The following KCNH1 variants were observed in gnomAD, a reference collection of about 807,000 sequenced individuals.
KCNH1 encodes voltage-gated delayed rectifier potassium channel KCNH1.
In KCNH1, 27 loss-of-function variants were observed where a neutral mutation model predicts 69.2. The ratio of observed to expected loss-of-function variants is 0.39; its 90% CI spans 0.29 to 0.54. KCNH1 has a LOEUF of 0.54. Ranked by LOEUF, KCNH1 falls within the 20% of genes least tolerant of loss-of-function variation. KCNH1 has a pLI of 0.68. For synonymous variants in KCNH1, 456 were observed against 487.7 expected (o/e 0.93, Z 0.86); for missense variants, 798 against 1,261.6 (o/e 0.63, Z 5.57).
chr1:210,815,800 T>G (rs545047793), intron 7 of KCNH1, among the ~76,000 whole-genome samples: 7 of 152,182 alleles, frequency 4.6e-5, no homozygotes, highest in Non-Finnish European at 1.0e-4. Context: ...TGGGGCGCTT[T>G]TGGCCTAGTC....
At chr1:210,904,807 G>A (rs1353059316) in intron 7 of KCNH1, among the ~76,000 whole-genome samples, 2 of 152,154 alleles carry the variant, frequency 1.3e-5, no homozygotes, top group African/African-American at 2.4e-5. Flanking sequence ...TTATATCTAA[G>A]CCTGTCAATC....
chr1:210,954,065 C>T (rs1161452170), intron 6 of KCNH1, among the ~76,000 whole-genome samples: 1 of 151,846 alleles, frequency 6.6e-6, no homozygotes. Flanking sequence ...AGCCCCCCAT[C>T]CCAAGACAGG....
At chr1:210,969,651 A>C (rs1045691405) in intron 6 of KCNH1, among the ~76,000 whole-genome samples, 1 of 152,126 alleles carries the variant, frequency 6.6e-6, no homozygotes, top group Non-Finnish European at 1.5e-5. Flanking sequence ...GTTTGGTCTG[A>C]GCCTTCTCAC....
At chr1:211,107,195 T>C in intron 2 of KCNH1, 59 bp downstream of exon 2, 4 of 1,596,286 alleles carry the variant, frequency 2.5e-6, no homozygotes, top group Non-Finnish European at 3.4e-6. Context: ...TAAACCATTT[T>C]CTTTTTCCAA....
intron 10 of KCNH1, among the ~76,000 whole-genome samples, chr1:210,749,739 T>C (rs1446394134): frequency 1.6e-5 from 2 of 128,282 alleles, no homozygotes; most frequent in Admixed American, 9.0e-5. Flanking sequence ...CCAAGGCTGC[T>C]CACTTTTTTT....
At chr1:210,953,814 C>T (rs78178289) in intron 6 of KCNH1, among the ~76,000 whole-genome samples, 6,196 of 152,242 alleles carry the variant, frequency 0.041, 187 homozygotes, top group South Asian at 0.065. Context: ...TCCCTACTGA[C>T]CTCTTTCACT....
intron 10 of KCNH1, among the ~76,000 whole-genome samples, chr1:210,712,278 A>T (rs561706871): frequency 2.9e-4 from 44 of 152,324 alleles, no homozygotes; most frequent in Non-Finnish European, 5.9e-4. Context: ...ACTTCTATGA[A>T]CTAAACATAA....
Position 210,865,428 on chromosome 1 carries a change from T to C in KCNH1, c.1462+54212A>G, listed in dbSNP as rs183279803. Among the ~76,000 whole-genome samples, 989 of 152,310 alleles carry C rather than the reference T, an allele frequency of 6.5e-3. 4 individuals are homozygous for C. The highest frequency in any genetic ancestry group is 0.011 in the Non-Finnish European group (723 of 68,030). Reference sequence around the variant, plus strand: ...ATCCAGATCTAAATCTGTTAACTACTTGTTAAAACTCAAAGCTCATAGTCT... The same window carrying C: ...ATCCAGATCTAAATCTGTTAACTACCTGTTAAAACTCAAAGCTCATAGTCT... On this transcript the variant is annotated intron_variant, in intron 7 of 10. Transcript: ENST00000271751.
intron 10 of KCNH1, among the ~76,000 whole-genome samples, chr1:210,696,579 G>T (rs1158520681): frequency 5.9e-5 from 9 of 152,160 alleles, no homozygotes; most frequent in Non-Finnish European, 1.0e-4. Flanking sequence ...TTCTCTCAAA[G>T]AAACTAGTAG....
chr1:211,055,807 A>G (rs1690293704), intron 5 of KCNH1, among the ~76,000 whole-genome samples: 1 of 152,184 alleles, frequency 6.6e-6, no homozygotes, highest in South Asian at 2.1e-4. Context: ...TAGACACACC[A>G]TGGGCCAGAA....
chr1:210,895,106 T>C (rs1686835315), intron 7 of KCNH1, among the ~76,000 whole-genome samples: 1 of 152,184 alleles, frequency 6.6e-6, no homozygotes, highest in Non-Finnish European at 1.5e-5. Flanking sequence ...TGATGTCCAG[T>C]ATCTTGAAAG....
intron 1 of KCNH1, among the ~76,000 whole-genome samples, chr1:211,126,366 C>G (rs182038760): frequency 6.6e-6 from 1 of 152,024 alleles, no homozygotes; most frequent in Admixed American, 6.6e-5. Context: ...AAAAATTAGC[C>G]GGGCATGGTG....
rs1484919452 is a variant in KCNH1, at chr1:210,679,972, G to A, written c.*3309C>T. ...TGAGTTGCATTCATGAATGCAATGA[G>A]TTGCATTAATTGTACACTAGACAAT... On this transcript the variant is annotated 3_prime_UTR_variant, in exon 11 of 11. Transcript: ENST00000271751. 2 of 151,988 alleles carry A rather than the reference G, an allele frequency of 1.3e-5. No individual in the cohort carries two copies. Among genetic ancestry groups the A allele is most frequent in the Non-Finnish European group, 2.9e-5 (2 of 68,002 alleles). The allele number at this position is 151,988 out of a possible 1,614,324, so 9.4% of individuals were successfully genotyped here.
intron 8 of KCNH1, among the ~76,000 whole-genome samples, chr1:210,803,659 C>G (rs912645152): frequency 3.3e-5 from 5 of 152,234 alleles, no homozygotes; most frequent in African/African-American, 1.2e-4. Context: ...CGTCTCTAGT[C>G]ATGGCTCTGA....
chr1:211,107,538 A>G (rs1412267273), intron 1 of KCNH1, among the ~76,000 whole-genome samples, 161 bp from the exon 2 acceptor site: 1 of 152,214 alleles, frequency 6.6e-6, no homozygotes, highest in Non-Finnish European at 1.5e-5. Context: ...ATATAAAACA[A>G]CATTGTTTTA....
At chr1:210,999,244 C>A (rs1043249713) in intron 6 of KCNH1, among the ~76,000 whole-genome samples, 1 of 151,888 alleles carries the variant, frequency 6.6e-6, no homozygotes, top group Non-Finnish European at 1.5e-5. Flanking sequence ...TTGAAAAGAT[C>A]AACAAAATTG....
At chr1:210,702,980 A>C (rs1261204094) in intron 10 of KCNH1, among the ~76,000 whole-genome samples, 1 of 152,040 alleles carries the variant, frequency 6.6e-6, no homozygotes, top group South Asian at 2.1e-4. Context: ...TTTTTATATC[A>C]TTTCATTGGG....
chr1:210,745,508 C>T (rs545390260), intron 10 of KCNH1, among the ~76,000 whole-genome samples: 3 of 152,254 alleles, frequency 2.0e-5, no homozygotes, highest in South Asian at 2.1e-4. Context: ...AATTAAGAAA[C>T]GATGGTCACT....
intron 10 of KCNH1, among the ~76,000 whole-genome samples, chr1:210,702,355 G>T (rs1209743275): frequency 6.6e-6 from 1 of 152,116 alleles, no homozygotes; most frequent in African/African-American, 2.4e-5. Context: ...CCTATCAGTT[G>T]AAATGTAGAG....
Sources: gnomAD v4.1 joint callset for allele counts (sites outside exome capture counted in the v4.1 genomes callset) on GRCh38, gnomAD v4.1.1 for gene constraint, MANE v1.5 for transcripts, NCBI Gene and HGNC (gene_info 2026-07-23, HGNC 2026-07-21) for gene names.